The following PCF11 variants were observed in gnomAD, a reference collection of about 807,000 sequenced individuals.
The protein encoded by PCF11 is pre-mRNA cleavage complex 2 protein Pcf11.
Under a neutral mutation model 166.1 loss-of-function variants are expected in PCF11, and 19 were observed. That is an observed-to-expected ratio of 0.11 (90% CI 0.08 to 0.17). The LOEUF (loss-of-function observed/expected upper bound fraction) is 0.17. PCF11 is among the 10% of genes least tolerant of loss of function. The pLI, the probability that PCF11 is intolerant of heterozygous loss-of-function variation, is 1.00. For missense variants in PCF11, 1,565 were observed against 1,855.5 expected, an observed-to-expected ratio of 0.84 and a Z score of 2.88; for synonymous variants, 663 against 644.1, an observed-to-expected ratio of 1.03 and a Z score of -0.44.
In PCF11 at chr11:83,185,110, G is replaced by A. The variant is rs1861235629; in HGVS notation, c.*216G>A. On this transcript the variant is annotated 3_prime_UTR_variant, in exon 16 of 16. Coordinates refer to ENST00000298281, the Ensembl canonical transcript of PCF11. ...CTTGTTGTGTGAAAGTTCTGTAGAT[G>A]TGTGCAAATTTAACGAAATGAAATT... The A allele has an allele frequency of 7.0e-6, 3 of 431,486 alleles. No individual in the cohort carries two copies. In the East Asian group the frequency reaches 1.2e-4, roughly 18 times the overall value. 26.7% of individuals were successfully genotyped at this position (431,486 alleles called of 1,614,324 possible).
chr11:83,177,391 T>G (rs921981759), intron 10 of PCF11, among the ~76,000 whole-genome samples, 187 bp downstream of exon 10: 1 of 152,242 alleles, frequency 6.6e-6, no homozygotes, highest in African/African-American at 2.4e-5. Flanking sequence ...AACTACCTTA[T>G]AGTGGACATG....
intron 8 of PCF11, among the ~76,000 whole-genome samples, chr11:83,171,607 T>C (rs1860693737): frequency 6.6e-6 from 1 of 152,234 alleles, no homozygotes; most frequent in African/African-American, 2.4e-5. Flanking sequence ...TCTCAGTAAC[T>C]TATACCTCTA....
At chr11:83,174,390 T>TG (rs2135436348) in intron 9 of PCF11, among the ~76,000 whole-genome samples, 1 of 151,694 alleles carries the variant, frequency 6.6e-6, no homozygotes, top group Admixed American at 6.6e-5. Flanking sequence ...TTTAAAGTTT[T>TG]TTTTTTTTTT....
At chr11:83,162,563 G>A (rs907861356) in intron 2 of PCF11, among the ~76,000 whole-genome samples, 1 of 152,188 alleles carries the variant, frequency 6.6e-6, no homozygotes, top group Non-Finnish European at 1.5e-5. Flanking sequence ...TTCGGTTTCA[G>A]TATGTTCAAA....
At chr11:83,178,831 A>G (rs1371005265) in intron 11 of PCF11, among the ~76,000 whole-genome samples, 2 of 151,608 alleles carry the variant, frequency 1.3e-5, no homozygotes, top group African/African-American at 2.4e-5. Flanking sequence ...AAAAAAATCT[A>G]TTTTTCATTT....
exon 16 of PCF11, chr11:83,187,081 ATCAGTGCAGTAGCACAATCTCGGC>A (rs904441315): frequency 3.9e-5 from 6 of 152,224 alleles, no homozygotes; most frequent in East Asian, 1.9e-4. Context: ...CTCAGGCTGG[ATCAGTGCAGTAGCACAATCTCGGC>A]TCAGTGCAGT....
intron 15 of PCF11, 78 bp from the exon 16 acceptor site, chr11:83,184,601 G>C (rs988642446): frequency 1.1e-6 from 1 of 938,432 alleles, no homozygotes; most frequent in Non-Finnish European, 1.7e-6. Flanking sequence ...TTCATACAAG[G>C]GTCTTACAAG....
At chr11:83,178,455 A>G (rs1860961277) in intron 11 of PCF11, among the ~76,000 whole-genome samples, 1 of 151,968 alleles carries the variant, frequency 6.6e-6, no homozygotes, top group South Asian at 2.1e-4. Flanking sequence ...TATTCTTAAC[A>G]TTTTTGAGGT....
chr11:83,177,694 A>G lies in PCF11; in HGVS notation c.3878-20A>G. 7.8e-7 allele frequency: 1 copy of G among 1,283,132 alleles called. No homozygotes were observed. Among genetic ancestry groups the G allele is most frequent in the Non-Finnish European group, 1.1e-6 (1 of 911,342 alleles). 79.5% of individuals were successfully genotyped at this position (1,283,132 alleles called of 1,614,324 possible). ...TGGAGAATGGTATTAAGAAATTTGT[A>G]TGTCTCTTCTTAATTGAAGAAGTAA... On this transcript the variant is annotated intron_variant, in intron 10 of 15. Transcript: ENST00000298281.
rs769933906 is a variant in PCF11, at chr11:83,165,703, C to T, written c.806C>T (p.Pro269Leu). The T allele has an allele frequency of 2.5e-6, 4 of 1,613,632 alleles. No homozygotes were observed. The East Asian group carries it at 8.9e-5, about 36-fold the overall frequency. The change falls in exon 5 of 16, where the codon CCT becomes CTT. Residue 269 changes from proline to leucine, a missense_variant. Pro to Leu is a moderately conservative substitution (Grantham distance 98, BLOSUM62 -3). Coordinates refer to ENST00000298281, the Ensembl canonical transcript of PCF11. ...ATTCCCCCTATGGCAGTTAAAGCTC[C>T]TCATCAGGTTCCTGTGCAATCTGAG...
At chr11:83,181,499 A>T (rs897229386) in intron 12 of PCF11, among the ~76,000 whole-genome samples, 119 of 148,862 alleles carry the variant, frequency 8.0e-4, no homozygotes, top group Non-Finnish European at 1.3e-3. Flanking sequence ...CATTTTTTAA[A>T]AAATGAATTT....
chr11:83,178,678 T>C (rs755610864), intron 11 of PCF11, among the ~76,000 whole-genome samples: 3 of 151,654 alleles, frequency 2.0e-5, no homozygotes, highest in Non-Finnish European at 4.4e-5. Context: ...CCGGGCGCAG[T>C]GGCGGGTGCC....
chr11:83,177,151 A>G, exon 10 of PCF11: 1 of 1,581,052 alleles, frequency 6.3e-7, no homozygotes, highest in Admixed American at 1.8e-5. Flanking sequence ...TTGTTTTCAA[A>G]ATTGCTAAAA....
chr11:83,168,326 C>A, intron 7 of PCF11, 102 bp from the exon 8 acceptor site: 3 of 1,136,760 alleles, frequency 2.6e-6, no homozygotes, highest in Non-Finnish European at 3.6e-6. Context: ...TCTCCTGCCC[C>A]TCTAATGTAG....
chr11:83,157,938 A>G, intron 1 of PCF11: 1 of 317,904 alleles, frequency 3.1e-6, no homozygotes, highest in East Asian at 5.5e-5. Flanking sequence ...GGAGACTTAA[A>G]GGCAGTTTGT....
intron 15 of PCF11, 130 bp downstream of exon 15, chr11:83,183,203 A>G (rs1861142897): frequency 1.8e-6 from 1 of 557,406 alleles, no homozygotes; most frequent in African/African-American, 2.0e-5. Flanking sequence ...GTTTTTTGAT[A>G]TAGCATTTAG....
At chr11:83,176,192 A>G (rs1210322709) in intron 9 of PCF11, among the ~76,000 whole-genome samples, 1 of 152,200 alleles carries the variant, frequency 6.6e-6, no homozygotes, top group East Asian at 1.9e-4. Context: ...GTGGTGCTGC[A>G]TTGCTTGGGA....
chr11:83,174,403 A>G (rs1370864154), intron 9 of PCF11, among the ~76,000 whole-genome samples: 1 of 145,356 alleles, frequency 6.9e-6, no homozygotes, highest in Non-Finnish European at 1.5e-5. Flanking sequence ...TTTTTTTTTT[A>G]AAGAGGGTGC....
At position 83,183,063 on chromosome 11, in the gene PCF11, AT is replaced by A; in HGVS notation, c.4444del (p.Tyr1482IlefsTer22). 1 of 1,470,622 alleles carries A rather than the reference AT, an allele frequency of 6.8e-7. No individual in the cohort carries two copies. Among genetic ancestry groups the A allele is most frequent in the Non-Finnish European group, 9.4e-7 (1 of 1,069,092 alleles). 91.1% of individuals were successfully genotyped at this position (1,470,622 alleles called of 1,614,324 possible). On this transcript the variant is annotated frameshift_variant, in exon 15 of 16. Transcript: ENST00000298281. LOFTEE classifies it high-confidence loss of function. ...ATTTATCATCCATCATGTTATGAAGATTATCAAAATGTAAGTTCTTTTTGGT... is the reference window on the plus strand; with the variant it reads ...ATTTATCATCCATCATGTTATGAAGATATCAAAATGTAAGTTCTTTTTGGT...
Sources: allele counts gnomAD v4.1 joint callset (sites outside exome capture counted in the v4.1 genomes callset), GRCh38; gene constraint gnomAD v4.1.1; transcripts MANE v1.5; gene names NCBI Gene and HGNC (gene_info 2026-07-23, HGNC 2026-07-21).